Variants in DENND2B observed in about 807,000 individuals in gnomAD.
The protein encoded by DENND2B is DENN domain containing 2B.
A neutral mutation model predicts 116.0 loss-of-function variants in DENND2B; 32 were observed. The observed-to-expected ratio is 0.28, with a 90% CI of 0.21 to 0.37. The LOEUF is 0.37. Ranked by LOEUF, DENND2B falls within the 10% of genes least tolerant of loss-of-function variation. The pLI, the probability that DENND2B is intolerant of heterozygous loss-of-function variation, is 1.00. For missense variants in DENND2B, 1,276 were observed against 1,477.7 expected (o/e 0.86, Z 2.24); for synonymous variants, 588 against 583.9 (o/e 1.01, Z -0.10).
chr11:8,807,112 G>A (rs1325884006), intron 1 of DENND2B, among the ~76,000 whole-genome samples: 1 of 152,168 alleles, frequency 6.6e-6, no homozygotes, highest in Non-Finnish European at 1.5e-5. Flanking sequence ...AAGGGCTGCT[G>A]CCAGGCCTCC....
intron 1 of DENND2B, among the ~76,000 whole-genome samples, chr11:8,793,616 C>A (rs2134349431): frequency 6.6e-6 from 1 of 152,332 alleles, no homozygotes; most frequent in Non-Finnish European, 1.5e-5. Flanking sequence ...ATTCGTCAGT[C>A]AGTGAACATT....
At chr11:8,780,092 A>G (rs2058228229) in intron 1 of DENND2B, among the ~76,000 whole-genome samples, 1 of 152,178 alleles carries the variant, frequency 6.6e-6, no homozygotes, top group Non-Finnish European at 1.5e-5. Flanking sequence ...TGGTTCCTGG[A>G]AGCCAGGACA....
intron 4 of DENND2B, among the ~76,000 whole-genome samples, chr11:8,815,861 A>G (rs10769964): frequency 0.92 from 140,127 of 152,128 alleles, 65,394 homozygotes; most frequent in East Asian, 1. Flanking sequence ...AAGACTCTCC[A>G]AACAAACAAA....
In DENND2B at chr11:8,738,168, G is replaced by A. The variant is rs75631054; in HGVS notation, c.81-6959C>T. ...ACGAAGAGGTGGGGACCCAACGCCC[G>A]TCTAAAAGGGCTGGCCTTATACTAG... On this transcript the variant is annotated intron_variant, in intron 2 of 19. Coordinates refer to ENST00000313726, the MANE Select transcript of DENND2B (RefSeq NM_213618.2). 1.3e-3 allele frequency among the ~76,000 whole-genome samples: 193 copies of A among 152,306 alleles called. 2 individuals are homozygous for A. The highest frequency in any genetic ancestry group is 3.4e-3 in the Middle Eastern group (1 of 294).
upstream of DENND2B, among the ~76,000 whole-genome samples, chr11:8,873,385 C>A (rs1378596795): frequency 1.3e-5 from 2 of 152,218 alleles, no homozygotes; most frequent in Admixed American, 6.5e-5. Context: ...ATGCATGGAA[C>A]TGTTTTAATT....
Position 8,715,789 on chromosome 11 carries a change from C to T in DENND2B, c.1659G>A (p.Leu553=), listed in dbSNP as rs1173095570. The T allele has an allele frequency of 2.5e-6, 4 of 1,607,722 alleles. No homozygotes were observed. The highest frequency in any genetic ancestry group is 1.3e-5 in the African/African-American group (1 of 74,950). Residue 553 remains leucine, a synonymous_variant, in exon 6 of 20, where the codon CTG becomes CTA. Coordinates refer to ENST00000313726, the MANE Select transcript of DENND2B (RefSeq NM_213618.2). ...TCCTTTCTGACCAGTTCCCACTGCG[C>T]AGGGACTGGCTGTTGGGTTTCAGGG... ...QLSLKPNSQS[L]RSGNWSERKS...
intron 3 of DENND2B, among the ~76,000 whole-genome samples, chr11:8,852,621 G>T (rs1456079677): frequency 6.6e-6 from 1 of 152,186 alleles, no homozygotes; most frequent in Non-Finnish European, 1.5e-5. Flanking sequence ...CGGAGTGGTA[G>T]TTATAACAAT....
intron 1 of DENND2B, among the ~76,000 whole-genome samples, chr11:8,807,291 G>C (rs921929487): frequency 6.6e-6 from 1 of 152,198 alleles, no homozygotes; most frequent in Admixed American, 6.5e-5. Context: ...CCACAGGGAG[G>C]TGCTTCAGAA....
At chr11:8,732,767 A>C (rs2048333797) in intron 2 of DENND2B, among the ~76,000 whole-genome samples, 1 of 152,236 alleles carries the variant, frequency 6.6e-6, no homozygotes, top group Non-Finnish European at 1.5e-5. Flanking sequence ...GTTTCAGTTC[A>C]AAAACAGCAG....
At chr11:8,891,363 A>C (rs948420013) in intron 1 of DENND2B, among the ~76,000 whole-genome samples, 2 of 152,250 alleles carry the variant, frequency 1.3e-5, no homozygotes, top group African/African-American at 4.8e-5. Flanking sequence ...TAACATCATA[A>C]TGGCAGGATC....
At chr11:8,745,826 C>T (rs2051142670) in intron 2 of DENND2B, among the ~76,000 whole-genome samples, 3 of 152,150 alleles carry the variant, frequency 2.0e-5, no homozygotes, top group South Asian at 2.1e-4. Context: ...CCCAACTGAC[C>T]GCCAGCATCA....
chr11:8,707,643 TG>T lies in DENND2B; in HGVS notation c.2430+133del. 1 of 849,916 alleles carries T rather than the reference TG, an allele frequency of 1.2e-6. No individual in the cohort carries two copies. Among genetic ancestry groups the T allele is most frequent in the Non-Finnish European group, 1.8e-6 (1 of 546,200 alleles). 52.6% of individuals were successfully genotyped at this position (849,916 alleles called of 1,614,324 possible). ...AATGGGAGGGTGTCAGAGAGCTCAC[TG>T]GTACTTGTTCCTGCATTCTGTCTCC... On this transcript the variant is annotated intron_variant, in intron 12 of 19. Coordinates refer to ENST00000313726, the MANE Select transcript of DENND2B (RefSeq NM_213618.2). The surrounding 1 kb of genome is among the most constrained non-coding windows in gnomAD (Gnocchi z 4.8).
chr11:8,814,853 AAACTTAGAG>A (rs1300790329), upstream of DENND2B, among the ~76,000 whole-genome samples: 1 of 152,224 alleles, frequency 6.6e-6, no homozygotes, highest in East Asian at 1.9e-4. Context: ...CAGGAAGAAG[AAACTTAGAG>A]CAGCTATTTC....
intron 2 of DENND2B, among the ~76,000 whole-genome samples, chr11:8,862,314 T>C (rs1276078381): frequency 6.9e-6 from 1 of 144,022 alleles, no homozygotes; most frequent in Non-Finnish European, 1.5e-5. Context: ...AAGATTAACT[T>C]TTTCACTCTT....
At chr11:8,754,699 A>G (rs1330180575) in intron 1 of DENND2B, among the ~76,000 whole-genome samples, 3 of 152,392 alleles carry the variant, frequency 2.0e-5, no homozygotes, top group African/African-American at 7.2e-5. Flanking sequence ...TGATAAACAA[A>G]ATGTGGTATA....
intron 1 of DENND2B, among the ~76,000 whole-genome samples, chr11:8,889,147 T>C (rs2063995403): frequency 1.3e-5 from 2 of 152,338 alleles, no homozygotes; most frequent in South Asian, 2.1e-4. Context: ...AGCAGCATTA[T>C]TTGCAATAGC....
At chr11:8,899,919 T>C (rs904249508) in intron 1 of DENND2B, among the ~76,000 whole-genome samples, 67 of 152,206 alleles carry the variant, frequency 4.4e-4, no homozygotes, top group Non-Finnish European at 3.7e-4. Flanking sequence ...GAATGTAATA[T>C]AACAGCATGA....
At chr11:8,850,131 TCACA>T (rs377563197) in intron 3 of DENND2B, among the ~76,000 whole-genome samples, 1 of 150,938 alleles carries the variant, frequency 6.6e-6, no homozygotes, top group South Asian at 2.1e-4. Context: ...GGATACCCAG[TCACA>T]CACACACACA....
intron 4 of DENND2B, among the ~76,000 whole-genome samples, chr11:8,724,080 A>G (rs1359393346): frequency 6.6e-6 from 1 of 152,188 alleles, no homozygotes; most frequent in East Asian, 1.9e-4. Context: ...CGGATCATGA[A>G]GCCAGGAGAT....
Sources: gnomAD v4.1 joint callset for allele counts (sites outside exome capture counted in the v4.1 genomes callset) on GRCh38, gnomAD v4.1.1 for gene constraint, Gnocchi (gnomAD v3.1) non-coding constraint, MANE v1.5 for transcripts, NCBI Gene and HGNC (gene_info 2026-07-23, HGNC 2026-07-21) for gene names.